The following DGKI variants were observed in gnomAD, a reference collection of about 807,000 sequenced individuals.
DGKI encodes the protein diacylglycerol kinase iota.
DGKI carries 55 observed loss-of-function variants against 147.5 expected under a neutral mutation model. That is an observed-to-expected ratio of 0.37 (90% CI 0.30 to 0.47). The LOEUF (loss-of-function observed/expected upper bound fraction) is 0.47, where lower values mean the gene tolerates loss of function less well. DGKI is among the 20% of genes least tolerant of loss of function. DGKI has a pLI of 1.00. For synonymous variants in DGKI, 469 were observed against 477.1 expected, an observed-to-expected ratio of 0.98 and a Z score of 0.22; for missense variants, 1,007 against 1,323.8, an observed-to-expected ratio of 0.76 and a Z score of 3.71.
intron 19 of DGKI, among the ~76,000 whole-genome samples, chr7:137,559,062 CTT>C (rs71177910): frequency 5.9e-4 from 49 of 83,578 alleles, no homozygotes; most frequent in Non-Finnish European, 8.8e-4. Context: ...ACCTACAATT[CTT>C]TTTTTTTTTT....
At chr7:137,767,545 A>AG (rs1796057032) in intron 1 of DGKI, among the ~76,000 whole-genome samples, 1 of 113,914 alleles carries the variant, frequency 8.8e-6, no homozygotes, top group African/African-American at 3.6e-5. Flanking sequence ...GAGTAGGAGG[A>AG]AGAGGAAGAG....
At chr7:137,794,716 G>C (rs956604494) in intron 1 of DGKI, among the ~76,000 whole-genome samples, 9 of 152,166 alleles carry the variant, frequency 5.9e-5, no homozygotes, top group African/African-American at 2.2e-4. Context: ...TGCCTCAGTT[G>C]TGTTCTGCTG....
chr7:137,543,489 C>A (rs958950280), intron 20 of DGKI, among the ~76,000 whole-genome samples: 1 of 152,064 alleles, frequency 6.6e-6, no homozygotes, highest in Non-Finnish European at 1.5e-5. Flanking sequence ...TCATACATTG[C>A]ATTGTTACCA....
chr7:137,445,633 T>C (rs1331469880), intron 27 of DGKI, among the ~76,000 whole-genome samples: 1 of 152,192 alleles, frequency 6.6e-6, no homozygotes, highest in Non-Finnish European at 1.5e-5. Context: ...ATTGAATTAA[T>C]CTCAGTTCCA....
At chr7:137,639,687 C>A (rs1026570802) in intron 6 of DGKI, among the ~76,000 whole-genome samples, 2 of 152,014 alleles carry the variant, frequency 1.3e-5, no homozygotes, top group African/African-American at 4.8e-5. Flanking sequence ...AACAAAGGGC[C>A]CCAGGGTGAC....
chr7:137,616,657 A>G (rs1158941406), intron 8 of DGKI, among the ~76,000 whole-genome samples: 2 of 152,208 alleles, frequency 1.3e-5, no homozygotes, highest in Non-Finnish European at 2.9e-5. Flanking sequence ...ATGAAACAAT[A>G]TAAACATAGG....
chr7:137,576,967 A>C (rs1002239209), intron 17 of DGKI, among the ~76,000 whole-genome samples: 1 of 152,162 alleles, frequency 6.6e-6, no homozygotes, highest in Non-Finnish European at 1.5e-5. Context: ...ATTGTTCTGA[A>C]GTGACTTATG....
At chr7:137,803,996 C>G (rs1797289246) in intron 1 of DGKI, among the ~76,000 whole-genome samples, 1 of 152,222 alleles carries the variant, frequency 6.6e-6, no homozygotes, top group Admixed American at 6.5e-5. Context: ...TTCTCTGAGG[C>G]TAGACTGAGG....
rs77276583 is a variant in DGKI, at chr7:137,736,317, C to T, written c.402-46315G>A. On this transcript the variant is annotated intron_variant, in intron 1 of 32. Transcript: ENST00000614521. ...GCAATCTCCATCAAGCTAGGTTGCACGAGGCATCTTATTGTAAGGCTAATG... is the reference window on the plus strand; with the variant it reads ...GCAATCTCCATCAAGCTAGGTTGCATGAGGCATCTTATTGTAAGGCTAATG... 9.2e-5 allele frequency among the ~76,000 whole-genome samples: 14 copies of T among 152,198 alleles called. No individual in the cohort carries two copies. The East Asian group carries it at 2.7e-3, about 29-fold the overall frequency.
chr7:137,420,602 G>A (rs951942714), intron 28 of DGKI, among the ~76,000 whole-genome samples: 1 of 151,914 alleles, frequency 6.6e-6, no homozygotes, highest in Non-Finnish European at 1.5e-5. Context: ...CTGCTTTTCT[G>A]GAGGAACAGA....
chr7:137,532,551 T>G (rs185057295), intron 20 of DGKI, among the ~76,000 whole-genome samples: 20 of 152,292 alleles, frequency 1.3e-4, no homozygotes, highest in Admixed American at 1.3e-3. Context: ...GGGAGCTACA[T>G]TTGGCTCTGG....
chr7:137,592,206 G>A (rs751024292), intron 12 of DGKI, among the ~76,000 whole-genome samples: 1 of 152,130 alleles, frequency 6.6e-6, no homozygotes. Flanking sequence ...CACGGCTTTC[G>A]TATTTTCCCA....
rs75554670 is a variant in DGKI, at chr7:137,724,964, T to C, written c.402-34962A>G. Among the ~76,000 whole-genome samples the C allele has an allele frequency of 7.7e-3, 1,175 of 152,190 alleles. 11 individuals are homozygous for C. The highest frequency in any genetic ancestry group is 0.027 in the African/African-American group (1,117 of 41,516). On this transcript the variant is annotated intron_variant, in intron 1 of 32. Transcript: ENST00000614521. ...TAGAAGTTGAGAAGGTAAGATCGTT[T>C]CTAGCAAAAAGACTAAAAAGAAGCA...
chr7:137,452,121 T>G (rs901101695), intron 27 of DGKI, among the ~76,000 whole-genome samples: 2 of 152,200 alleles, frequency 1.3e-5, no homozygotes, highest in African/African-American at 4.8e-5. Context: ...CACATATACC[T>G]TCTACTCAGC....
At chr7:137,796,437 T>C (rs540385457) in intron 1 of DGKI, among the ~76,000 whole-genome samples, 1 of 152,072 alleles carries the variant, frequency 6.6e-6, no homozygotes, top group African/African-American at 2.4e-5. Context: ...GAGATGGAGA[T>C]TGCAGTGAGC....
At chr7:137,397,982 G>A (rs901124001) in intron 30 of DGKI, among the ~76,000 whole-genome samples, 3 of 152,136 alleles carry the variant, frequency 2.0e-5, no homozygotes, top group Non-Finnish European at 4.4e-5. Flanking sequence ...AATGTTTTGT[G>A]TATTCATGAA....
chr7:137,555,284 G>A (rs949951426), intron 19 of DGKI, among the ~76,000 whole-genome samples: 2 of 151,738 alleles, frequency 1.3e-5, no homozygotes, highest in African/African-American at 4.8e-5. Flanking sequence ...CCAGCACTTT[G>A]GGAGGCCAAA....
chr7:137,838,331 G>A (rs1438868214), intron 1 of DGKI, among the ~76,000 whole-genome samples: 3 of 152,100 alleles, frequency 2.0e-5, no homozygotes, highest in African/African-American at 4.8e-5. Context: ...GAAAGAGATT[G>A]TCTCAAACTC....
intron 21 of DGKI, among the ~76,000 whole-genome samples, chr7:137,503,051 C>T (rs1169536133): frequency 1.3e-5 from 2 of 152,132 alleles, no homozygotes; most frequent in Non-Finnish European, 2.9e-5. Context: ...GACACATTCT[C>T]GTGAACATAC....
Sources: allele counts gnomAD v4.1 joint callset (sites outside exome capture counted in the v4.1 genomes callset), GRCh38; gene constraint gnomAD v4.1.1; transcripts MANE v1.5; gene names NCBI Gene and HGNC (gene_info 2026-07-23, HGNC 2026-07-21).